The following GPC5 variants were observed in gnomAD, a reference collection of about 807,000 sequenced individuals.
GPC5 encodes the protein glypican 5, also known as glypican-5.
A neutral mutation model predicts 53.9 loss-of-function variants in GPC5; 47 were observed. The ratio of observed to expected loss-of-function variants is 0.87; its 90% CI spans 0.69 to 1.11. GPC5 has a LOEUF of 1.11. Among genes scored for constraint, GPC5 ranks in the 50% most tolerant of loss-of-function variants. The pLI is 0.00. For missense variants in GPC5, 748 were observed against 713.1 expected (o/e 1.05, Z -0.56); for synonymous variants, 286 against 263.3 (o/e 1.09, Z -0.84).
At chr13:92,591,955 C>T (rs1883726972) in intron 7 of GPC5, among the ~76,000 whole-genome samples, 2 of 152,190 alleles carry the variant, frequency 1.3e-5, no homozygotes, top group Admixed American at 1.3e-4. Context: ...AGAGTCCACC[C>T]TTAACTCCAG....
chr13:92,589,244 G>A (rs1473636993), intron 7 of GPC5, among the ~76,000 whole-genome samples: 1 of 152,202 alleles, frequency 6.6e-6, no homozygotes, highest in East Asian at 1.9e-4. Flanking sequence ...AAACTTGGAG[G>A]AGGACTAGAG....
At chr13:92,127,405 C>T (rs1239726447) in intron 6 of GPC5, among the ~76,000 whole-genome samples, 1 of 151,606 alleles carries the variant, frequency 6.6e-6, no homozygotes, top group Admixed American at 6.6e-5. Flanking sequence ...ATGAATTGAA[C>T]TTATACAGGG....
At chr13:92,660,840 T>C (rs1886317098) in intron 7 of GPC5, among the ~76,000 whole-genome samples, 1 of 152,134 alleles carries the variant, frequency 6.6e-6, no homozygotes, top group Non-Finnish European at 1.5e-5. Context: ...CAGCCACATA[T>C]AGCTATTCAG....
At chr13:91,692,963 G>A (rs1307456026) in intron 2 of GPC5, among the ~76,000 whole-genome samples, 1 of 152,154 alleles carries the variant, frequency 6.6e-6, no homozygotes, top group African/African-American at 2.4e-5. Context: ...CTTTTAAACA[G>A]ATTGTGATCC....
At chr13:91,470,081 A>G (rs1882516947) in intron 2 of GPC5, among the ~76,000 whole-genome samples, 1 of 152,124 alleles carries the variant, frequency 6.6e-6, no homozygotes, top group Non-Finnish European at 1.5e-5. Flanking sequence ...CTCCCACCAC[A>G]GGTTTTGAAG....
At chr13:91,604,311 CA>C (rs1396267839) in intron 2 of GPC5, among the ~76,000 whole-genome samples, 4 of 145,792 alleles carry the variant, frequency 2.7e-5, no homozygotes, top group Non-Finnish European at 6.1e-5. Context: ...CATAGTATTC[CA>C]TGGTGTATAT....
Position 92,385,399 on chromosome 13 carries a change from C to CATATATAT in GPC5, c.1561+240411_1561+240412insTATATATA, listed in dbSNP as rs1204687376. ...ATATATACATATATATACATATATA[C>CATATATAT]ACATATATACACATATATATACATA... On this transcript the variant is annotated intron_variant, in intron 7 of 7. Coordinates refer to ENST00000377067, the MANE Select transcript of GPC5 (RefSeq NM_004466.6). Among the ~76,000 whole-genome samples, 176 of 57,482 alleles carry CATATATAT rather than the reference C, an allele frequency of 3.1e-3. 1 individual carries two copies. The highest frequency in any genetic ancestry group is 5.3e-3 in the Non-Finnish European group (151 of 28,420). The allele number at this position is 57,482 out of a possible 152,430, so 37.7% of individuals were successfully genotyped here.
intron 5 of GPC5, among the ~76,000 whole-genome samples, chr13:91,760,064 G>T (rs1382943859): frequency 6.6e-6 from 1 of 151,956 alleles, no homozygotes; most frequent in East Asian, 1.9e-4. Context: ...GAAAACAGGT[G>T]TTAAAGTGAT....
intron 6 of GPC5, among the ~76,000 whole-genome samples, chr13:91,987,842 T>C (rs976468480): frequency 6.9e-6 from 1 of 145,456 alleles, no homozygotes; most frequent in African/African-American, 2.5e-5. Flanking sequence ...ATAAATATAC[T>C]ATATATAATT....
At chr13:92,046,771 GGAAA>G (rs1323578306) in intron 6 of GPC5, among the ~76,000 whole-genome samples, 3 of 152,066 alleles carry the variant, frequency 2.0e-5, no homozygotes, top group African/African-American at 7.2e-5. Context: ...TTACATCATT[GGAAA>G]GAAAGGACAA....
chr13:92,820,384 T>C (rs1055660323), intron 7 of GPC5, among the ~76,000 whole-genome samples: 1 of 152,304 alleles, frequency 6.6e-6, no homozygotes, highest in African/African-American at 2.4e-5. Flanking sequence ...GTTGTTGTTT[T>C]CCATGTCCAC....
chr13:91,989,335 C>T (rs2040436255), intron 6 of GPC5, among the ~76,000 whole-genome samples: 1 of 152,184 alleles, frequency 6.6e-6, no homozygotes, highest in Non-Finnish European at 1.5e-5. Context: ...TCCCATTACT[C>T]TAAACATGTA....
In GPC5 at chr13:92,264,613, T is replaced by C. The variant is rs549959940; in HGVS notation, c.1561+119624T>C. 6.6e-4 allele frequency among the ~76,000 whole-genome samples: 100 copies of C among 151,896 alleles called. 1 individual carries two copies. The highest frequency in any genetic ancestry group is 1.3e-3 in the Non-Finnish European group (86 of 67,966). On this transcript the variant is annotated intron_variant, in intron 7 of 7. Coordinates refer to ENST00000377067, the MANE Select transcript of GPC5 (RefSeq NM_004466.6). ...CCTGGATGACTTACAGTCAAGACCC[T>C]CCACTAGTAACAATGGGAGCTGCTG... is the stretch of plus-strand genomic sequence containing the variant.
intron 7 of GPC5, among the ~76,000 whole-genome samples, chr13:92,591,437 C>G (rs1316657879): frequency 2.6e-5 from 4 of 152,000 alleles, no homozygotes; most frequent in Admixed American, 6.6e-5. Context: ...ACAGTCTCTG[C>G]CTGGTGAAGT....
chr13:92,223,509 C>T (rs912475696), intron 7 of GPC5, among the ~76,000 whole-genome samples: 2 of 152,072 alleles, frequency 1.3e-5, no homozygotes, highest in Non-Finnish European at 2.9e-5. Context: ...GTTTGCTTTA[C>T]TCACCATTTG....
chr13:92,204,420 A>C (rs2042317804), intron 7 of GPC5, among the ~76,000 whole-genome samples: 1 of 152,224 alleles, frequency 6.6e-6, no homozygotes, highest in Admixed American at 6.5e-5. Flanking sequence ...ATGTTTGCCA[A>C]GAACTAGCCA....
intron 7 of GPC5, among the ~76,000 whole-genome samples, chr13:92,472,186 T>A (rs61973635): frequency 0.087 from 13,168 of 152,168 alleles, 900 homozygotes; most frequent in East Asian, 0.36. Flanking sequence ...TTACTCCTTC[T>A]GTATTTATTT....
intron 5 of GPC5, among the ~76,000 whole-genome samples, chr13:91,890,405 T>C (rs1245853330): frequency 2.0e-5 from 3 of 152,178 alleles, no homozygotes; most frequent in African/African-American, 7.2e-5. Context: ...CGCTCAGTCA[T>C]CCTGCAGTAA....
chr13:92,535,069 A>G (rs1047500887), intron 7 of GPC5, among the ~76,000 whole-genome samples: 4 of 152,288 alleles, frequency 2.6e-5, no homozygotes, highest in Admixed American at 2.6e-4. Flanking sequence ...ACGGGAACCC[A>G]TTTAAATTAG....
Sources: gnomAD v4.1 joint callset for allele counts (sites outside exome capture counted in the v4.1 genomes callset) on GRCh38, gnomAD v4.1.1 for gene constraint, MANE v1.5 for transcripts, NCBI Gene and HGNC (gene_info 2026-07-23, HGNC 2026-07-21) for gene names.